Variants in TPX2 observed in about 807,000 individuals in gnomAD.
TPX2 encodes TPX2 microtubule nucleation factor.
Under a neutral mutation model 93.6 loss-of-function variants are expected in TPX2, and 21 were observed. That is an observed-to-expected ratio of 0.22 (90% CI 0.16 to 0.32). The LOEUF is 0.32. Among genes scored for constraint, TPX2 ranks in the 10% least tolerant of loss-of-function variants. The probability of loss-of-function intolerance (pLI) is 1.00; values close to 1 mark genes in which losing one functional copy is unlikely to be tolerated. For synonymous variants in TPX2, 281 were observed against 298.3 expected, an observed-to-expected ratio of 0.94 and a Z score of 0.60; for missense variants, 776 against 871.1, an observed-to-expected ratio of 0.89 and a Z score of 1.37.
intron 10 of TPX2, among the ~76,000 whole-genome samples, chr20:31,781,403 C>A (rs1388930758): frequency 6.6e-6 from 1 of 151,544 alleles, no homozygotes; most frequent in Non-Finnish European, 1.5e-5. Flanking sequence ...GTAGCTGAGA[C>A]TACAGGCGCC....
intron 14 of TPX2, 122 bp from the exon 15 acceptor site, chr20:31,794,280 A>G (rs2062121036): frequency 7.4e-7 from 1 of 1,351,014 alleles, no homozygotes; most frequent in East Asian, 2.4e-5. Flanking sequence ...CCCATTATTC[A>G]TTCTTTCATG....
chr20:31,782,220 A>C (rs768731218), intron 10 of TPX2, 29 bp from the exon 11 acceptor site: 1 of 1,588,662 alleles, frequency 6.3e-7, no homozygotes, highest in Admixed American at 1.8e-5. Flanking sequence ...TTGCGGATCT[A>C]GATGAACATC....
At chr20:31,792,007 T>A (rs2062105079) in intron 12 of TPX2, among the ~76,000 whole-genome samples, 1 of 152,252 alleles carries the variant, frequency 6.6e-6, no homozygotes, top group South Asian at 2.1e-4. Context: ...ATATGATACA[T>A]GTCATTTATT....
At chr20:31,779,568 T>C (rs2062020934) in intron 10 of TPX2, among the ~76,000 whole-genome samples, 1 of 152,222 alleles carries the variant, frequency 6.6e-6, no homozygotes, top group Admixed American at 6.5e-5. Flanking sequence ...TCTTAAACTG[T>C]CATTAGATAA....
intron 10 of TPX2, among the ~76,000 whole-genome samples, chr20:31,780,299 G>A (rs62204652): frequency 0.022 from 3,347 of 152,172 alleles, 39 homozygotes; most frequent in Non-Finnish European, 0.034. Flanking sequence ...TGATCCGCCC[G>A]CCTCAACCTC....
intron 7 of TPX2, 92 bp downstream of exon 7, chr20:31,771,774 C>G: frequency 6.9e-7 from 1 of 1,448,044 alleles, no homozygotes; most frequent in Non-Finnish European, 9.3e-7. Flanking sequence ...TGGAGGTTGG[C>G]AAACTCCTGA....
rs757588926 is a variant in TPX2 at position 31,777,438 on chromosome 20, G to C, written c.731-49G>C. The C allele has an allele frequency of 2.5e-6, 4 of 1,583,674 alleles. No individual in the cohort carries two copies. In the South Asian group the frequency reaches 4.6e-5, roughly 18 times the overall value. ...ACTGGAGTAAAGGGGATTTACTGGT[G>C]TTCCCTATCTTAATGTTGTCTGTAT... On this transcript the variant is annotated intron_variant, in intron 8 of 17. Coordinates refer to ENST00000300403, the MANE Select transcript of TPX2 (RefSeq NM_012112.5).
At chr20:31,800,222 A>T (rs773471390) in intron 17 of TPX2, among the ~76,000 whole-genome samples, 2 of 152,188 alleles carry the variant, frequency 1.3e-5, no homozygotes, top group Admixed American at 1.3e-4. Context: ...CTAGACTACC[A>T]TTTGCTGAGT....
chr20:31,739,354 C>T lies in TPX2; in HGVS notation c.-445C>T, dbSNP rs906299841. The T allele has an allele frequency of 6.6e-6, 1 of 152,228 alleles. No homozygotes were observed. The highest frequency in any genetic ancestry group is 2.4e-5 in the African/African-American group (1 of 41,454). The allele number at this position is 152,228 out of a possible 1,614,324, so 9.4% of individuals were successfully genotyped here. ...AGATCTGAGGCGAGGCTAGGTGAGC[C>T]GTGGGAAGAAAAGAGGGAGCAGCTA... On this transcript the variant is annotated 5_prime_UTR_variant, in exon 1 of 18. Transcript: ENST00000300403.
chr20:31,759,516 C>T (rs1351178392), intron 3 of TPX2, among the ~76,000 whole-genome samples: 1 of 150,634 alleles, frequency 6.6e-6, no homozygotes, highest in Non-Finnish European at 1.5e-5. Context: ...TCCCCTGCCT[C>T]AGCTTCTCAA....
Position 31,782,374 on chromosome 20 carries a change from C to T in TPX2, c.1180C>T (p.Leu394Phe), listed in dbSNP as rs1320694432. 5 of 1,610,364 alleles carry T rather than the reference C, an allele frequency of 3.1e-6. No individual in the cohort carries two copies. Among genetic ancestry groups the T allele is most frequent in the Non-Finnish European group, 4.2e-6 (5 of 1,178,778 alleles). Residue 394 changes from leucine to phenylalanine, a missense_variant, in exon 11 of 18, where the codon CTC becomes TTC. Leu to Phe is a conservative substitution (Grantham distance 22). Transcript: ENST00000300403. ...TACAGCAGAGCTGGAGGCTGAGGAGCTCGAGAAATTGCAACAGTAAGTCCC... is the reference window on the plus strand; with the variant it reads ...TACAGCAGAGCTGGAGGCTGAGGAGTTCGAGAAATTGCAACAGTAAGTCCC... ...KSTAELEAEELEKLQQYKFKA... is the reference protein window; with the variant it reads ...KSTAELEAEEFEKLQQYKFKA...
At chr20:31,747,952 C>A (rs528933935) in intron 2 of TPX2, among the ~76,000 whole-genome samples, 1 of 151,990 alleles carries the variant, frequency 6.6e-6, no homozygotes, top group Non-Finnish European at 1.5e-5. Flanking sequence ...GATTTCACAT[C>A]CTCATATTTA....
In TPX2 at chr20:31,763,420, T is replaced by C. The variant is rs187507639; in HGVS notation, c.230-3136T>C. 1.4e-3 allele frequency among the ~76,000 whole-genome samples: 218 copies of C among 152,242 alleles called. 3 individuals carry two copies. The highest frequency in any genetic ancestry group is 8.3e-3 in the East Asian group (43 of 5,164). ...GTCTCGAACTCCTGACCTCAGGTGA[T>C]CTACCTGCCTCGGCCTCTGAAAGTG... On this transcript the variant is annotated intron_variant, in intron 4 of 17. Coordinates refer to ENST00000300403, the MANE Select transcript of TPX2 (RefSeq NM_012112.5).
chr20:31,792,888 C>G, intron 13 of TPX2, 58 bp downstream of exon 13: 1 of 1,479,094 alleles, frequency 6.8e-7, no homozygotes, highest in South Asian at 1.1e-5. Flanking sequence ...TCAATCTAAG[C>G]CTTATCATTT....
intron 12 of TPX2, among the ~76,000 whole-genome samples, chr20:31,792,005 C>G (rs1050804848): frequency 2.0e-5 from 3 of 152,166 alleles, no homozygotes; most frequent in Admixed American, 6.5e-5. Flanking sequence ...CAATATGATA[C>G]ATGTCATTTA....
At chr20:31,764,340 T>C (rs1041032210) in intron 4 of TPX2, among the ~76,000 whole-genome samples, 70 of 152,156 alleles carry the variant, frequency 4.6e-4, no homozygotes, top group African/African-American at 1.6e-3. Context: ...AGCTAGTTTT[T>C]GTATTTTTTG....
chr20:31,769,262 T>C (rs1371205462), intron 5 of TPX2, among the ~76,000 whole-genome samples: 2 of 151,066 alleles, frequency 1.3e-5, no homozygotes, highest in Non-Finnish European at 2.9e-5. Flanking sequence ...ACATACCATG[T>C]TTACGTAATA....
Position 31,798,421 on chromosome 20 carries a change from G to A in TPX2, c.2002G>A (p.Ala668Thr). Residue 668 changes from alanine to threonine, a missense_variant, in exon 17 of 18, where the codon GCC becomes ACC. Transcript: ENST00000300403. ...EPFQLATEKR[A>T]KERQELEKRM... is the part of the protein sequence containing the mutation. The stretch of plus-strand genomic sequence containing the variant: ...TTTTCAGCTGGCTACTGAGAAGAGA[G>A]CCAAAGAGCGGCAGGAGCTGGAGAA... 1 of 1,614,088 alleles carries A rather than the reference G, an allele frequency of 6.2e-7. No individual in the cohort carries two copies. The highest frequency in any genetic ancestry group is 1.1e-5 in the South Asian group (1 of 91,082).
intron 7 of TPX2, 36 bp from the exon 8 acceptor site, chr20:31,775,826 TTCTCC>T (rs1250819457): frequency 2.8e-6 from 4 of 1,443,576 alleles, no homozygotes; most frequent in Admixed American, 2.5e-5. Flanking sequence ...CTGGGTGCCT[TTCTCC>T]TCTCCTCTCT....
Sources: allele counts gnomAD v4.1 joint callset (sites outside exome capture counted in the v4.1 genomes callset), GRCh38; gene constraint gnomAD v4.1.1; transcripts MANE v1.5; gene names NCBI Gene and HGNC (gene_info 2026-07-23, HGNC 2026-07-21).